Variants in GARIN1B observed in about 807,000 individuals in gnomAD.
GARIN1B encodes golgi associated RAB2 interactor 1B, also known as Golgi-associated RAB2 interactor protein 1B.
At chr7:128,710,842 G>C in the GARIN1B span, among the ~76,000 whole-genome samples, 1 of 152,034 alleles carries the variant, frequency 6.6e-6, no homozygotes, top group Non-Finnish European at 1.5e-5. Flanking sequence ...TAGTAGAGAA[G>C]AGACGGGGTT....
the GARIN1B span, among the ~76,000 whole-genome samples, chr7:128,709,491 T>A: frequency 6.6e-6 from 1 of 152,234 alleles, no homozygotes; most frequent in African/African-American, 2.4e-5. Context: ...TTTGAATGAA[T>A]TTTAAGCCAT....
the GARIN1B span, chr7:128,717,064 G>A: frequency 7.0e-7 from 1 of 1,422,500 alleles, no homozygotes; most frequent in Non-Finnish European, 9.5e-7. Flanking sequence ...GAGGTTGCTT[G>A]ACTACTAAAC....
At chr7:128,711,698 C>T in the GARIN1B span, among the ~76,000 whole-genome samples, 1 of 144,308 alleles carries the variant, frequency 6.9e-6, no homozygotes, top group South Asian at 2.2e-4. Flanking sequence ...CACACACACA[C>T]TTACAGTGAT....
the GARIN1B span, chr7:128,723,374 C>T: frequency 1.3e-6 from 2 of 1,583,040 alleles, no homozygotes; most frequent in Non-Finnish European, 1.7e-6. Flanking sequence ...CCCAGATGGT[C>T]TGGGCTGTGA....
chr7:128,715,303 G>A, the GARIN1B span: 2 of 1,475,924 alleles, frequency 1.4e-6, no homozygotes, highest in South Asian at 2.8e-5. Flanking sequence ...CTGCAGGTCT[G>A]TCCTGGTTTT....
the GARIN1B span, chr7:128,715,428 G>A: frequency 1.9e-6 from 3 of 1,612,234 alleles, no homozygotes; most frequent in Non-Finnish European, 2.5e-6. Flanking sequence ...GCAGGCCCCT[G>A]AGCATGTGTA....
the GARIN1B span, chr7:128,716,915 C>T: frequency 1.2e-6 from 2 of 1,614,088 alleles, no homozygotes; most frequent in Non-Finnish European, 1.7e-6. Flanking sequence ...CAACATCCTA[C>T]TCATGGCCAG....
chr7:128,730,197 C>A, the GARIN1B span: 3 of 1,066,856 alleles, frequency 2.8e-6, no homozygotes, highest in Non-Finnish European at 4.0e-6. Context: ...GGAATGCTGG[C>A]CACAGAGACC....
At chr7:128,726,799 T>G in the GARIN1B span, 4 of 1,613,048 alleles carry the variant, frequency 2.5e-6, no homozygotes, top group Non-Finnish European at 3.4e-6. Flanking sequence ...CTTTCAACTT[T>G]CATTTCCTTG....
chr7:128,718,754 C>G, the GARIN1B span: 1 of 1,545,384 alleles, frequency 6.5e-7, no homozygotes, highest in Non-Finnish European at 8.8e-7. Context: ...TAAAGGAGAC[C>G]TGCCTCATTT....
At chr7:128,728,878 A>T in the GARIN1B span, among the ~76,000 whole-genome samples, 1 of 152,172 alleles carries the variant, frequency 6.6e-6, no homozygotes, top group South Asian at 2.1e-4. Context: ...ATGTTTTCTC[A>T]TGTTATGCGA....
chr7:128,717,688 C>A, the GARIN1B span, among the ~76,000 whole-genome samples: 3 of 151,632 alleles, frequency 2.0e-5, no homozygotes, highest in East Asian at 5.8e-4. Flanking sequence ...CTCAGGTGAC[C>A]CACCCTCCTC....
At chr7:128,716,786 A>T in the GARIN1B span, 4 of 1,574,418 alleles carry the variant, frequency 2.5e-6, no homozygotes. Flanking sequence ...CCAAATGCTC[A>T]GGTTGTGCCT....
chr7:128,731,407 G>C, the GARIN1B span: 1 of 504,598 alleles, frequency 2.0e-6, no homozygotes, highest in African/African-American at 1.9e-5. Context: ...AGTAGGACCA[G>C]AGAAGTGGAA....
the GARIN1B span, chr7:128,726,953 T>G: frequency 8.0e-7 from 1 of 1,246,196 alleles, no homozygotes; most frequent in Non-Finnish European, 1.2e-6. Context: ...GCCCCCATCC[T>G]GGTTGTCCTG....
the GARIN1B span, among the ~76,000 whole-genome samples, chr7:128,727,517 A>C: frequency 6.6e-6 from 1 of 152,226 alleles, no homozygotes; most frequent in Non-Finnish European, 1.5e-5. Flanking sequence ...AAGAGGGAGC[A>C]TGACACATTC....
At chr7:128,724,879 G>A in the GARIN1B span, 7 of 1,285,724 alleles carry the variant, frequency 5.4e-6, no homozygotes, top group South Asian at 1.2e-5. Flanking sequence ...TTATAGCAAC[G>A]AAGAGCTCGC....
the GARIN1B span, among the ~76,000 whole-genome samples, chr7:128,709,716 A>C: frequency 6.7e-6 from 1 of 148,808 alleles, no homozygotes; most frequent in Admixed American, 6.7e-5. Context: ...ACCAGAAAAC[A>C]TGCTAGACAA....
the GARIN1B span, chr7:128,726,925 A>G: frequency 6.6e-7 from 1 of 1,514,122 alleles, no homozygotes; most frequent in Non-Finnish European, 9.2e-7. Context: ...TCTGGATATA[A>G]GAATAAGATC....
Sources: allele counts gnomAD v4.1 joint callset (sites outside exome capture counted in the v4.1 genomes callset), GRCh38; gene constraint gnomAD v4.1.1; transcripts MANE v1.5; gene names NCBI Gene and HGNC (gene_info 2026-07-23, HGNC 2026-07-21).